Variants in ZRANB2 observed in about 807,000 individuals in gnomAD.
ZRANB2 encodes the protein zinc finger Ran-binding domain-containing protein 2.
ZRANB2 carries 19 observed loss-of-function variants against 53.4 expected under a neutral mutation model. The observed-to-expected ratio is 0.36, with a 90% CI of 0.25 to 0.52. The LOEUF (loss-of-function observed/expected upper bound fraction) is 0.52, where lower values mean the gene tolerates loss of function less well. ZRANB2 is among the 20% of genes least tolerant of loss of function. The probability of loss-of-function intolerance (pLI) is 0.93; values close to 1 mark genes in which losing one functional copy is unlikely to be tolerated. For missense variants in ZRANB2, 309 were observed against 401.1 expected, an observed-to-expected ratio of 0.77 and a Z score of 1.96; for synonymous variants, 145 against 134.8, an observed-to-expected ratio of 1.08 and a Z score of -0.52.
chr1:71,069,687 T>C (rs532112723), intron 7 of ZRANB2: 32 of 163,658 alleles, frequency 2.0e-4, no homozygotes, highest in Non-Finnish European at 3.7e-4. Context: ...GAAAACAGAA[T>C]GTTGCGATTT....
chr1:71,080,578 T>C (rs2101054559), intron 1 of ZRANB2, among the ~76,000 whole-genome samples: 1 of 137,730 alleles, frequency 7.3e-6, no homozygotes, highest in East Asian at 2.3e-4. Flanking sequence ...CAGAGAAAAG[T>C]CACGTGGGGG....
Position 71,072,379 on chromosome 1 carries a change from T to G in ZRANB2, c.378+93A>C. The G allele has an allele frequency of 3.4e-6, 5 of 1,449,860 alleles. No individual in the cohort carries two copies. The South Asian group carries it at 6.4e-5, about 19-fold the overall frequency. 89.8% of individuals were successfully genotyped at this position (1,449,860 alleles called of 1,614,324 possible). A position where few individuals can be genotyped will look rare whatever the true frequency, so the allele number is the denominator to read the frequency against. ...ATGATCAGTTGCTGAAGACTCAAAT[T>G]GCACTTAAAAAAAAGTTTGTTTTCC... On this transcript the variant is annotated intron_variant, in intron 5 of 9. Coordinates refer to ENST00000370920, the MANE Select transcript of ZRANB2 (RefSeq NM_203350.3).
At position 71,064,828 on chromosome 1, in the gene ZRANB2, G is replaced by C; in HGVS notation, c.*246C>G. 3.0e-6 allele frequency: 1 copy of C among 335,788 alleles called. No individual in the cohort carries two copies. Among genetic ancestry groups the C allele is most frequent in the Non-Finnish European group, 5.5e-6 (1 of 183,030 alleles). 20.8% of individuals were successfully genotyped at this position (335,788 alleles called of 1,614,324 possible). ...CAAAGTACTTTGTTATAGCTGAAAT[G>C]GTTTTAAATGAAGCAAATGGTTGTA... On this transcript the variant is annotated 3_prime_UTR_variant, in exon 10 of 10. Transcript: ENST00000370920.
In ZRANB2 at chr1:71,066,592, A is replaced by G. The variant is rs562345157; in HGVS notation, c.929+184T>C. ...TGATCAAAGAATGGTTTGATCTACA[A>G]TTCTAAACAACCTGATCAAAGTACA... On this transcript the variant is annotated intron_variant, in intron 9 of 9. Transcript: ENST00000370920. The G allele has an allele frequency of 4.1e-5, 20 of 484,398 alleles. No homozygotes were observed. The Admixed American group carries it at 5.2e-4, about 13-fold the overall frequency. 30.0% of individuals were successfully genotyped at this position (484,398 alleles called of 1,614,324 possible). A position where few individuals can be genotyped will look rare whatever the true frequency, so the allele number is the denominator to read the frequency against.
At chr1:71,073,713 C>T (rs964917341) in intron 4 of ZRANB2, among the ~76,000 whole-genome samples, 1 of 151,822 alleles carries the variant, frequency 6.6e-6, no homozygotes, top group Admixed American at 6.6e-5. Flanking sequence ...ATATGGAAAG[C>T]TCAAAAATAT....
Position 71,072,186 on chromosome 1 carries a change from C to T in ZRANB2, c.448G>A (p.Asp150Asn). The T allele has an allele frequency of 1.2e-6, 2 of 1,612,316 alleles. No homozygotes were observed. The highest frequency in any genetic ancestry group is 1.7e-6 in the Non-Finnish European group (2 of 1,179,228). ...GPASILKEVE[D>N]KESEGEEEDE... is the part of the protein sequence containing the mutation. ...TCTTCTTCTCCCTCTGATTCTTTAT[C>T]TTCAACTTCCTTTAATATAGATGCA... Residue 150 changes from aspartate to asparagine, a missense_variant, in exon 6 of 10, where the codon GAT becomes AAT. Asp to Asn is a conservative substitution (Grantham distance 23, BLOSUM62 1). Transcript: ENST00000370920.
At chr1:71,075,613 A>C (rs1323576593) in intron 4 of ZRANB2, among the ~76,000 whole-genome samples, 2 of 152,118 alleles carry the variant, frequency 1.3e-5, no homozygotes, top group African/African-American at 4.8e-5. Context: ...GAAGAATCCC[A>C]ACATCAGTGG....
chr1:71,063,772 A>C lies in ZRANB2; in HGVS notation c.*1302T>G, dbSNP rs1364764270. On this transcript the variant is annotated 3_prime_UTR_variant, in exon 10 of 10. Coordinates refer to ENST00000370920, the MANE Select transcript of ZRANB2 (RefSeq NM_203350.3). ...GAAAAACATTCACTTTAAAGTAAAA[A>C]CATATATTTTTGTTTGGTTTGTCTA... is the stretch of plus-strand genomic sequence containing the variant. 1 of 152,360 alleles carries C rather than the reference A, an allele frequency of 6.6e-6. No individual in the cohort carries two copies. The highest frequency in any genetic ancestry group is 1.5e-5 in the Non-Finnish European group (1 of 67,872). The allele number at this position is 152,360 out of a possible 1,614,324, so 9.4% of individuals were successfully genotyped here.
intron 9 of ZRANB2, chr1:71,065,910 G>A: frequency 9.3e-7 from 1 of 1,080,370 alleles, no homozygotes; most frequent in Non-Finnish European, 1.3e-6. Context: ...CAAATGCAGA[G>A]AAACAAGACT....
At chr1:71,069,594 TAAAAC>T in intron 7 of ZRANB2, 2 of 303,846 alleles carry the variant, frequency 6.6e-6, no homozygotes, top group Non-Finnish European at 6.1e-6. Flanking sequence ...CACTCAACTA[TAAAAC>T]AAAACATTAT....
chr1:71,074,169 CT>C (rs1437461776), intron 4 of ZRANB2, among the ~76,000 whole-genome samples: 1 of 152,108 alleles, frequency 6.6e-6, no homozygotes, highest in Non-Finnish European at 1.5e-5. Flanking sequence ...CTTCATTAAT[CT>C]TTGGTGCTGT....
In ZRANB2 at chr1:71,064,551, T is replaced by C. The variant is rs1661378393; in HGVS notation, c.*523A>G. The C allele has an allele frequency of 6.6e-6, 1 of 152,534 alleles. No individual in the cohort carries two copies. Among genetic ancestry groups the C allele is most frequent in the African/African-American group, 2.4e-5 (1 of 41,454 alleles). The allele number at this position is 152,534 out of a possible 1,614,324, so 9.4% of individuals were successfully genotyped here. ...AGACACAATGATTCTAAGGCACCCT[T>C]AGCATAGGGAATTTCAAAATAGACA... On this transcript the variant is annotated 3_prime_UTR_variant, in exon 10 of 10. Coordinates refer to ENST00000370920, the MANE Select transcript of ZRANB2 (RefSeq NM_203350.3).
intron 9 of ZRANB2, chr1:71,065,797 A>T (rs1403207165): frequency 1.2e-6 from 2 of 1,608,004 alleles, no homozygotes; most frequent in Non-Finnish European, 1.7e-6. Context: ...ATGACAACAA[A>T]CTAGGGGGAT....
chr1:71,065,108 T>A lies in ZRANB2; in HGVS notation c.959A>T (p.His320Leu), dbSNP rs199511818. 2.5e-6 allele frequency: 4 copies of A among 1,611,806 alleles called. No individual in the cohort carries two copies. Among genetic ancestry groups the A allele is most frequent in the Middle Eastern group, 1.7e-4 (1 of 6,056 alleles). Residue 320 changes from histidine (H) to leucine (L), a missense_variant, in exon 10 of 10, where the codon CAT (histidine) becomes CTT (leucine). This residue lies in a region of ZRANB2 where 211 missense variants were observed against 196.1 expected (regional missense o/e 1.08). Transcript: ENST00000370920. ...RRHRSSSGSSHSGSRSSSKKK is the reference protein window; with the variant it reads ...RRHRSSSGSSLSGSRSSSKKK The stretch of plus-strand genomic sequence containing the variant: ...TTTTGAACTTGAACGGGAACCAGAA[T>A]GGGATGATCCAGATGATGACCTGTG...
intron 6 of ZRANB2, 33 bp from the exon 7 acceptor site, chr1:71,071,029 GA>G (rs749019650): frequency 6.7e-7 from 1 of 1,490,732 alleles, no homozygotes; most frequent in South Asian, 1.4e-5. Context: ...TAGACATTTA[GA>G]TATTAGTGTT....
chr1:71,073,795 G>C (rs1661645651), intron 4 of ZRANB2, among the ~76,000 whole-genome samples: 1 of 148,680 alleles, frequency 6.7e-6, no homozygotes, highest in Non-Finnish European at 1.5e-5. Context: ...ATTATTTTAA[G>C]AGGCAGCAAA....
intron 8 of ZRANB2, among the ~76,000 whole-genome samples, chr1:71,068,900 C>T (rs1444633692): frequency 6.6e-6 from 1 of 151,978 alleles, no homozygotes; most frequent in East Asian, 1.9e-4. Flanking sequence ...GTGATCCTCC[C>T]ACCTCAGCTT....
intron 9 of ZRANB2, chr1:71,065,705 G>T (rs561885582): frequency 6.2e-7 from 1 of 1,612,362 alleles, no homozygotes; most frequent in East Asian, 2.2e-5. Flanking sequence ...GTTCCGTAGG[G>T]GTTGGCCCTG....
intron 4 of ZRANB2, among the ~76,000 whole-genome samples, chr1:71,074,592 A>C (rs1221752746): frequency 6.6e-6 from 1 of 152,186 alleles, no homozygotes; most frequent in Non-Finnish European, 1.5e-5. Flanking sequence ...ATTCTAAGGA[A>C]AGAATCCAAA....
Sources: allele counts gnomAD v4.1 joint callset (sites outside exome capture counted in the v4.1 genomes callset), GRCh38; gene constraint gnomAD v4.1.1; regional missense constraint gnomAD v4.1.1; transcripts MANE v1.5; gene names NCBI Gene and HGNC (gene_info 2026-07-23, HGNC 2026-07-21).